TCOF1: variants seen among roughly 807,000 people sequenced by gnomAD.
TCOF1 encodes the protein treacle protein.
TCOF1 carries 33 observed loss-of-function variants against 149.0 expected under a neutral mutation model. The ratio of observed to expected loss-of-function variants is 0.22; its 90% confidence interval spans 0.17 to 0.30. The LOEUF (loss-of-function observed/expected upper bound fraction) is 0.30. TCOF1 is among the 10% of genes least tolerant of loss of function. The pLI is 1.00. For missense variants in TCOF1, 1,728 were observed against 1,840.7 expected, an observed-to-expected ratio of 0.94 and a Z score of 1.12; for synonymous variants, 789 against 738.8, an observed-to-expected ratio of 1.07 and a Z score of -1.10.
At chr5:150,393,840 C>T (rs1316240038) in intron 23 of TCOF1, 2 of 447,058 alleles carry the variant, frequency 4.5e-6, no homozygotes, top group Non-Finnish European at 8.3e-6. Context: ...ACAGAGAGAC[C>T]CCATCTCTAA....
Position 150,375,423 on chromosome 5 carries a change from C to T in TCOF1, c.1573C>T (p.Pro525Ser), listed in dbSNP as rs1305560344. Reference protein sequence around the residue: ...GPLGKGAGPVPPGKVGPATPS... With the variant: ...GPLGKGAGPVSPGKVGPATPS... ...CTTGGGGAAAGGCGCCGGCCCAGTG[C>T]CACCCGGGAAGGTGGGGCCTGCAAC... is the stretch of plus-strand genomic sequence containing the variant. Residue 525 changes from proline (P) to serine (S), a missense_variant, in exon 11 of 27, where the codon CCA (proline) becomes TCA (serine). Coordinates refer to ENST00000643257, the MANE Select transcript of TCOF1 (RefSeq NM_001371623.1). 1 of 1,613,484 alleles carries T rather than the reference C, an allele frequency of 6.2e-7. No individual in the cohort carries two copies. The highest frequency in any genetic ancestry group is 1.1e-5 in the South Asian group (1 of 91,058).
Position 150,372,006 on chromosome 5 carries a change from G to A in TCOF1, c.640G>A (p.Gly214Arg). The A allele has an allele frequency of 6.2e-7, 1 of 1,613,522 alleles. No homozygotes were observed. The highest frequency in any genetic ancestry group is 8.5e-7 in the Non-Finnish European group (1 of 1,179,462). Reference sequence around the variant, plus strand: ...TTCTAATTCCATCCTCTTGTTCCAGGGGAAACCCTCAGTAAAACCAGCCCA... The same window carrying A: ...TTCTAATTCCATCCTCTTGTTCCAGAGGAAACCCTCAGTAAAACCAGCCCA... The part of the protein sequence containing the change: ...SSSSDETDVE[G>R]KPSVKPAQVK... Residue 214 changes from glycine (G) to arginine (R), a missense_variant and splice_region_variant, in exon 7 of 27, where the codon GGG becomes AGG. By Grantham distance (125) the Gly-to-Arg change is moderately radical (BLOSUM62 -2). Coordinates refer to ENST00000643257, the MANE Select transcript of TCOF1 (RefSeq NM_001371623.1).
At chr5:150,368,040 C>T in intron 4 of TCOF1, 123 bp downstream of exon 4, 1 of 1,032,752 alleles carries the variant, frequency 9.7e-7, no homozygotes, top group Non-Finnish European at 1.5e-6. Flanking sequence ...CAGAGCTCAA[C>T]CTGTGTCACC....
At chr5:150,391,773 C>A in intron 20 of TCOF1, 116 bp downstream of exon 20, 1 of 1,236,206 alleles carries the variant, frequency 8.1e-7, no homozygotes, top group Non-Finnish European at 1.2e-6. Context: ...GGTTTGCCTC[C>A]CTCGGCCTCA....
intron 25 of TCOF1, 104 bp downstream of exon 25, chr5:150,398,555 C>T (rs906979865): frequency 1.9e-6 from 3 of 1,559,890 alleles, no homozygotes; most frequent in South Asian, 1.1e-5. Flanking sequence ...TTTCGGGGCC[C>T]AGTCGGGGGC....
At chr5:150,389,412 G>T (rs944969525) in intron 18 of TCOF1, among the ~76,000 whole-genome samples, 22 of 152,178 alleles carry the variant, frequency 1.4e-4, no homozygotes, top group African/African-American at 4.8e-4. Flanking sequence ...ACATGCTACA[G>T]TGTGTGTAGC....
chr5:150,359,841 G>T (rs1299693527), intron 1 of TCOF1, among the ~76,000 whole-genome samples: 3 of 152,192 alleles, frequency 2.0e-5, no homozygotes, highest in Non-Finnish European at 4.4e-5. Context: ...GCTATAAAAG[G>T]CAGGCAAGGG....
At chr5:150,387,742 G>A (rs1270039766) in intron 17 of TCOF1, among the ~76,000 whole-genome samples, 160 bp from the exon 18 acceptor site, 1 of 152,184 alleles carries the variant, frequency 6.6e-6, no homozygotes, top group African/African-American at 2.4e-5. Context: ...GATGTGTGGG[G>A]TGGGAGGGGG....
chr5:150,390,897 A>G (rs145446248), intron 19 of TCOF1, among the ~76,000 whole-genome samples: 120 of 152,244 alleles, frequency 7.9e-4, no homozygotes, highest in Non-Finnish European at 1.4e-3. Flanking sequence ...AAACAAGGAA[A>G]CCCACATATA....
chr5:150,391,886 A>G, intron 20 of TCOF1, 71 bp from the exon 21 acceptor site: 2 of 1,473,958 alleles, frequency 1.4e-6, no homozygotes, highest in South Asian at 1.2e-5. Flanking sequence ...GCCCTACTGA[A>G]GTGTTCAGGA....
intron 24 of TCOF1, 104 bp downstream of exon 24, chr5:150,396,946 A>G (rs1768668262): frequency 7.2e-7 from 1 of 1,385,432 alleles, no homozygotes; most frequent in Admixed American, 2.1e-5. Context: ...CCATGTAGAA[A>G]AGAGAGGCTG....
intron 23 of TCOF1, among the ~76,000 whole-genome samples, chr5:150,395,616 G>A (rs1464327862): frequency 2.0e-5 from 3 of 151,832 alleles, no homozygotes; most frequent in African/African-American, 7.3e-5. Flanking sequence ...AACAAAGGCT[G>A]CACCAGAAGT....
intron 10 of TCOF1, 21 bp from the exon 11 acceptor site, chr5:150,375,318 C>T: frequency 6.2e-7 from 1 of 1,609,816 alleles, no homozygotes; most frequent in Non-Finnish European, 8.5e-7. Context: ...CCTCCCTAAT[C>T]TTGTCCTTTG....
At position 150,379,051 on chromosome 5, in the gene TCOF1, G is replaced by C; in HGVS notation, c.2478+9G>C. ...AGAGGTCTCCATCCAAGGCAAGTGG[G>C]GCCAGAAGCCACAGGAGGTGTGGAG... On this transcript the variant is annotated intron_variant, in intron 15 of 26. Coordinates refer to ENST00000643257, the MANE Select transcript of TCOF1 (RefSeq NM_001371623.1). The C allele has an allele frequency of 1.2e-6, 2 of 1,613,900 alleles. No homozygotes were observed. Among genetic ancestry groups the C allele is most frequent in the Non-Finnish European group, 1.7e-6 (2 of 1,179,930 alleles).
rs552566891 is a variant in TCOF1 at position 150,361,160 on chromosome 5, G to A, written c.113G>A (p.Cys38Tyr). ...TTTCTCTTTACCTCTCTGCAGAAGT[G>A]TTTCCTGGCTCAGCCCGTAACCCTT... is the stretch of plus-strand genomic sequence containing the variant. ...REVKEQSGQK[C>Y]FLAQPVTLLD... is the part of the protein sequence containing the mutation. Residue 38 changes from cysteine (C) to tyrosine (Y), a missense_variant, in exon 2 of 27, where the codon TGT (cysteine) becomes TAT (tyrosine). Transcript: ENST00000643257. The A allele has an allele frequency of 6.2e-7, 1 of 1,614,166 alleles. No individual in the cohort carries two copies. The highest frequency in any genetic ancestry group is 1.1e-5 in the South Asian group (1 of 91,082).
At chr5:150,367,162 A>G (rs201035982) in intron 3 of TCOF1, among the ~76,000 whole-genome samples, 1 of 151,992 alleles carries the variant, frequency 6.6e-6, no homozygotes, top group Non-Finnish European at 1.5e-5. Flanking sequence ...AAAATTAGCC[A>G]GGCATGGTGG....
chr5:150,382,593 T>C (rs1765455822), intron 17 of TCOF1, among the ~76,000 whole-genome samples: 1 of 152,168 alleles, frequency 6.6e-6, no homozygotes, highest in Non-Finnish European at 1.5e-5. Flanking sequence ...CTGACTGCAG[T>C]GCTTGCTCAT....
intron 19 of TCOF1, among the ~76,000 whole-genome samples, chr5:150,390,946 T>TA (rs1188880386): frequency 6.6e-6 from 1 of 151,982 alleles, no homozygotes; most frequent in African/African-American, 2.4e-5. Flanking sequence ...GAGGAAACAA[T>TA]AAAAACTAGA....
At chr5:150,390,919 T>C (rs548422193) in intron 19 of TCOF1, among the ~76,000 whole-genome samples, 1 of 152,278 alleles carries the variant, frequency 6.6e-6, no homozygotes, top group South Asian at 2.1e-4. Flanking sequence ...ATAAAAAGTA[T>C]TCACCAGCTG....
Sources: gnomAD v4.1 joint callset for allele counts (sites outside exome capture counted in the v4.1 genomes callset) on GRCh38, gnomAD v4.1.1 for gene constraint, MANE v1.5 for transcripts, NCBI Gene and HGNC (gene_info 2026-07-23, HGNC 2026-07-21) for gene names.